The following SASH1 variants were observed in gnomAD, a reference collection of about 807,000 sequenced individuals.
The protein encoded by SASH1 is SAM and SH3 domain containing 1, also known as SAM and SH3 domain-containing protein 1.
A neutral mutation model predicts 125.2 loss-of-function variants in SASH1; 44 were observed. The observed-to-expected ratio is 0.35, with a 90% CI of 0.28 to 0.45. The LOEUF (loss-of-function observed/expected upper bound fraction) is 0.45. Among genes scored for constraint, SASH1 ranks in the 20% least tolerant of loss-of-function variants. The probability of loss-of-function intolerance (pLI) is 1.00; values close to 1 mark genes in which losing one functional copy is unlikely to be tolerated. For missense variants in SASH1, 1,426 were observed against 1,614.5 expected (o/e 0.88, Z 2.00); for synonymous variants, 639 against 649.1 (o/e 0.98, Z 0.24).
intron 8 of SASH1, among the ~76,000 whole-genome samples, chr6:148,501,033 G>A (rs372810603): frequency 3.7e-4 from 57 of 152,146 alleles, no homozygotes; most frequent in African/African-American, 1.3e-3. Flanking sequence ...GGAGATTAAC[G>A]TTAAGGTTGT....
chr6:148,348,889 C>T (rs1781605123), intron 1 of SASH1, among the ~76,000 whole-genome samples: 1 of 152,248 alleles, frequency 6.6e-6, no homozygotes, highest in Admixed American at 6.5e-5. Context: ...ATATACCCAA[C>T]CTCACAGGGC....
intron 1 of SASH1, among the ~76,000 whole-genome samples, chr6:148,336,424 C>T (rs917848196): frequency 1.7e-4 from 26 of 152,070 alleles, no homozygotes; most frequent in Admixed American, 5.2e-4. Context: ...GTGATCCGCC[C>T]GCCTCAGCCT....
In SASH1 at chr6:148,337,475, C is replaced by T. The variant is rs553178162; in HGVS notation, n.75-52659C>T. ...TCCTGACCTCGTGATCCGCCCACCT[C>T]GGCCTCCCAAAGTGGTGGGATTACA... On this transcript the variant is annotated intron_variant and non_coding_transcript_variant, in intron 1 of 3. Transcript: ENST00000367469. Among the ~76,000 whole-genome samples, 12 of 152,222 alleles carry T rather than the reference C, an allele frequency of 7.9e-5. No homozygotes were observed. In the East Asian group the frequency reaches 2.1e-3, roughly 27 times the overall value.
Position 148,528,000 on chromosome 6 carries a change from T to C in SASH1, c.1428+404T>C, listed in dbSNP as rs60023983. Among the ~76,000 whole-genome samples the C allele has an allele frequency of 1.2e-3, 87 of 72,016 alleles. 5 individuals carry two copies. The highest frequency in any genetic ancestry group is 4.8e-3 in the African/African-American group (78 of 16,216). The allele number at this position is 72,016 out of a possible 152,430, so 47.2% of individuals were successfully genotyped here. On this transcript the variant is annotated intron_variant, in intron 12 of 19. Transcript: ENST00000367467. The stretch of plus-strand genomic sequence containing the variant: ...AGCTTTTTTTTTTTGGGGGGGGGGG[T>C]GGCAGTAGACTTGTCGATCATAGCA...
intron 1 of SASH1, among the ~76,000 whole-genome samples, chr6:148,361,707 G>A (rs1331553067): frequency 1.3e-5 from 2 of 151,962 alleles, no homozygotes; most frequent in African/African-American, 4.8e-5. Context: ...TGAGAAGATA[G>A]ATAAGCAGAG....
At chr6:148,277,905 C>T (rs954630668) in intron 1 of SASH1, among the ~76,000 whole-genome samples, 1 of 151,926 alleles carries the variant, frequency 6.6e-6, no homozygotes, top group African/African-American at 2.4e-5. Context: ...TCAGTAGAGA[C>T]GGGGTTTCAT....
intron 1 of SASH1, among the ~76,000 whole-genome samples, chr6:148,277,125 C>G (rs947918106): frequency 2.0e-5 from 3 of 152,022 alleles, no homozygotes; most frequent in Non-Finnish European, 4.4e-5. Flanking sequence ...TATATGGGAG[C>G]CAGTATTTGA....
the SASH1 span, among the ~76,000 whole-genome samples, chr6:148,248,012 T>C: frequency 6.6e-6 from 1 of 152,344 alleles, no homozygotes; most frequent in Admixed American, 6.5e-5. Flanking sequence ...CTGCATTATG[T>C]ATTGATTTTG....
intron 2 of SASH1, among the ~76,000 whole-genome samples, chr6:148,430,768 C>T (rs1185415574): frequency 1.3e-5 from 2 of 152,296 alleles, no homozygotes; most frequent in African/African-American, 4.8e-5. Flanking sequence ...GGATGTATAG[C>T]AGGTTCCCAG....
intron 2 of SASH1, among the ~76,000 whole-genome samples, chr6:148,410,759 G>A (rs1362366258): frequency 6.6e-6 from 1 of 152,176 alleles, no homozygotes; most frequent in Admixed American, 6.5e-5. Context: ...AGTGTTCAGT[G>A]TAAGGTGGGT....
intron 1 of SASH1, among the ~76,000 whole-genome samples, chr6:148,387,079 GTCTCTC>G (rs147664687): frequency 8.1e-6 from 1 of 123,398 alleles, no homozygotes; most frequent in Non-Finnish European, 1.6e-5. Context: ...TTCTCCCTCT[GTCTCTC>G]TCTCTCTCTC....
intron 1 of SASH1, among the ~76,000 whole-genome samples, chr6:148,366,461 C>T (rs1403561863): frequency 2.0e-5 from 3 of 152,148 alleles, no homozygotes; most frequent in Non-Finnish European, 4.4e-5. Context: ...CTTGTCCGGA[C>T]TTGGTGGGGC....
chr6:148,431,974 T>C (rs1776077849), intron 2 of SASH1, among the ~76,000 whole-genome samples: 2 of 125,676 alleles, frequency 1.6e-5, no homozygotes, highest in Non-Finnish European at 1.7e-5. Context: ...CAAAGTAATA[T>C]AATTTTTTTT....
intron 1 of SASH1, among the ~76,000 whole-genome samples, chr6:148,346,840 A>C (rs933371584): frequency 6.6e-6 from 1 of 152,188 alleles, no homozygotes; most frequent in African/African-American, 2.4e-5. Flanking sequence ...CTGAGCTATT[A>C]AACCTTGGCG....
At chr6:148,308,648 G>A (rs376548612) in intron 1 of SASH1, among the ~76,000 whole-genome samples, 1 of 150,194 alleles carries the variant, frequency 6.7e-6, no homozygotes, top group Non-Finnish European at 1.5e-5. Flanking sequence ...CACCCACCTC[G>A]GCCTCCCAAA....
the SASH1 span, among the ~76,000 whole-genome samples, chr6:148,223,539 A>G: frequency 3.9e-5 from 6 of 152,202 alleles, no homozygotes; most frequent in African/African-American, 1.4e-4. Context: ...TTGTCTTTAA[A>G]CTATGTTGCT....
intron 4 of SASH1, among the ~76,000 whole-genome samples, chr6:148,458,746 G>C (rs112246609): frequency 1.3e-5 from 2 of 152,090 alleles, no homozygotes; most frequent in African/African-American, 4.8e-5. Flanking sequence ...TGGGAGAATT[G>C]CTTGAGGCCA....
intron 1 of SASH1, among the ~76,000 whole-genome samples, chr6:148,325,106 A>AC (rs1562325399): frequency 1.3e-5 from 2 of 152,196 alleles, no homozygotes; most frequent in African/African-American, 4.8e-5. Context: ...TAGACTGGGT[A>AC]ATTTATAAAG....
intron 1 of SASH1, among the ~76,000 whole-genome samples, chr6:148,300,531 C>T (rs1458844241): frequency 2.7e-5 from 4 of 150,688 alleles, no homozygotes; most frequent in Admixed American, 2.0e-4. Flanking sequence ...TCACTGCAGC[C>T]TCTGCCTCCC....
Sources: allele counts gnomAD v4.1 joint callset (sites outside exome capture counted in the v4.1 genomes callset), GRCh38; gene constraint gnomAD v4.1.1; transcripts MANE v1.5; gene names NCBI Gene and HGNC (gene_info 2026-07-23, HGNC 2026-07-21).